Variants in SDK1 observed in about 807,000 individuals in gnomAD.
SDK1 encodes sidekick cell adhesion molecule 1.
SDK1 carries 157 observed loss-of-function variants against 245.5 expected under a neutral mutation model. The observed-to-expected ratio is 0.64, with a 90% CI of 0.56 to 0.73. The LOEUF is 0.73. Among genes scored for constraint, SDK1 ranks in the 30% least tolerant of loss-of-function variants. The pLI is 0.00. For synonymous variants in SDK1, 1,647 were observed against 1,278.5 expected (o/e 1.29, Z -6.15); for missense variants, 3,583 against 3,002.3 (o/e 1.19, Z -4.52).
chr7:3,893,829 C>G, intron 5 of SDK1, among the ~76,000 whole-genome samples: 1 of 152,050 alleles, frequency 6.6e-6, no homozygotes, highest in East Asian at 1.9e-4. Context: ...CCACCCTCAC[C>G]TTATCTGACC....
chr7:3,908,222 C>G (rs1203189398), intron 5 of SDK1, among the ~76,000 whole-genome samples: 1 of 152,186 alleles, frequency 6.6e-6, no homozygotes, highest in Non-Finnish European at 1.5e-5. Flanking sequence ...CGCCTTGTGT[C>G]CCGCTCACTT....
intron 20 of SDK1, among the ~76,000 whole-genome samples, chr7:4,074,675 A>G (rs1295917121): frequency 6.6e-6 from 1 of 151,792 alleles, no homozygotes; most frequent in Non-Finnish European, 1.5e-5. Context: ...AGCCTGGGCA[A>G]CACAGTGAGA....
chr7:4,246,592 C>T (rs1405645362), intron 44 of SDK1, among the ~76,000 whole-genome samples: 1 of 152,178 alleles, frequency 6.6e-6, no homozygotes, highest in Non-Finnish European at 1.5e-5. Context: ...CCCTGCCAGC[C>T]TCCCACCCTG....
chr7:3,904,910 G>T lies in SDK1; in HGVS notation c.848-46013G>T, dbSNP rs190542569. On this transcript the variant is annotated intron_variant, in intron 5 of 44. Coordinates refer to ENST00000404826, the MANE Select transcript of SDK1 (RefSeq NM_152744.4). Reference sequence around the variant, plus strand: ...CGGGAGACTGAGGCAGGAGAATGGCGTGAACCCGGGAGGTGGAGCTTTCAG... The same window carrying T: ...CGGGAGACTGAGGCAGGAGAATGGCTTGAACCCGGGAGGTGGAGCTTTCAG... 7.0e-3 allele frequency among the ~76,000 whole-genome samples: 1,067 copies of T among 151,588 alleles called. 17 individuals carry two copies. The highest frequency in any genetic ancestry group is 0.024 in the African/African-American group (989 of 41,324).
intron 5 of SDK1, among the ~76,000 whole-genome samples, chr7:3,899,808 T>C (rs532625756): frequency 9.2e-5 from 14 of 152,312 alleles, no homozygotes; most frequent in African/African-American, 3.1e-4. Context: ...CACTCCTCTA[T>C]AGGGGGCGTT....
intron 1 of SDK1, among the ~76,000 whole-genome samples, chr7:3,483,661 G>A (rs996821902): frequency 2.6e-5 from 4 of 152,042 alleles, no homozygotes; most frequent in South Asian, 2.1e-4. Flanking sequence ...ACCATTAAAT[G>A]TAATATTTTC....
At chr7:3,527,422 G>T (rs1393648879) in intron 1 of SDK1, among the ~76,000 whole-genome samples, 2 of 152,172 alleles carry the variant, frequency 1.3e-5, no homozygotes, top group Middle Eastern at 3.2e-3. Flanking sequence ...CTTTCAAGCA[G>T]AGACCTGATT....
chr7:3,416,790 A>G (rs546148685), intron 1 of SDK1, among the ~76,000 whole-genome samples: 12 of 152,232 alleles, frequency 7.9e-5, no homozygotes, highest in African/African-American at 2.4e-4. Context: ...AATAAAGCCC[A>G]TGTTCTGATC....
chr7:3,591,605 T>A (rs1780877385), intron 1 of SDK1, among the ~76,000 whole-genome samples: 1 of 152,242 alleles, frequency 6.6e-6, no homozygotes, highest in African/African-American at 2.4e-5. Context: ...CAGTGCCTTT[T>A]TAGTTTATAT....
intron 5 of SDK1, among the ~76,000 whole-genome samples, chr7:3,827,783 A>G (rs762951936): frequency 2.0e-5 from 3 of 152,118 alleles, no homozygotes; most frequent in South Asian, 2.1e-4. Context: ...TTTGGGGACA[A>G]CCATGGCCAG....
chr7:3,405,308 G>A (rs988248893), intron 1 of SDK1, among the ~76,000 whole-genome samples: 1 of 152,108 alleles, frequency 6.6e-6, no homozygotes. Context: ...AGTAACTGGG[G>A]GTAAAACTTA....
chr7:3,362,830 C>G lies in SDK1; in HGVS notation c.298+60946C>G, dbSNP rs1197807511. ...AGTTTTCCATGCGTGTGTGATTAGA[C>G]TTCTGAGAAAACCTTGGATAATTTT... On this transcript the variant is annotated intron_variant, in intron 1 of 44. Coordinates refer to ENST00000404826, the MANE Select transcript of SDK1 (RefSeq NM_152744.4). Among the ~76,000 whole-genome samples, 4 of 152,138 alleles carry G rather than the reference C, an allele frequency of 2.6e-5. No individual in the cohort carries two copies. The East Asian group carries it at 7.7e-4, about 29-fold the overall frequency.
rs1782291484 is a variant in SDK1, at chr7:3,631,643, C to CT, written c.459-7356dup. On this transcript the variant is annotated intron_variant, in intron 2 of 44. Transcript: ENST00000404826. Reference sequence around the variant, plus strand: ...TGTATTTCTGGCTTCAGTTTGACTGCTTTTTGGAACTCTGTATGGTCATAA... The same window carrying CT: ...TGTATTTCTGGCTTCAGTTTGACTGCTTTTTTGGAACTCTGTATGGTCATAA... Among the ~76,000 whole-genome samples, 4 of 152,172 alleles carry CT rather than the reference C, an allele frequency of 2.6e-5. No individual in the cohort carries two copies. In the South Asian group the frequency reaches 8.3e-4, roughly 32 times the overall value.
intron 14 of SDK1, among the ~76,000 whole-genome samples, chr7:3,990,208 A>G (rs894778): frequency 1 from 152,307 of 152,368 alleles, 76,124 homozygotes; most frequent in Middle Eastern, 1. Context: ...TCCGGGTCTT[A>G]GGCTTCTAAG....
In SDK1 at chr7:3,685,759, AC is replaced by A. The variant is rs926469749; in HGVS notation, c.713+43655del. ...TGATACCCATATAACCACTAAGAAA[AC>A]TATCCAAAATGAGATACAGAAAAAC... On this transcript the variant is annotated intron_variant, in intron 4 of 44. Coordinates refer to ENST00000404826, the MANE Select transcript of SDK1 (RefSeq NM_152744.4). Among the ~76,000 whole-genome samples, 134 of 152,288 alleles carry A rather than the reference AC, an allele frequency of 8.8e-4. 1 individual carries two copies. Among genetic ancestry groups the A allele is most frequent in the African/African-American group, 2.9e-3 (122 of 41,566 alleles).
intron 35 of SDK1, among the ~76,000 whole-genome samples, chr7:4,186,507 T>C (rs1562405528): frequency 6.6e-6 from 1 of 152,138 alleles, no homozygotes; most frequent in Non-Finnish European, 1.5e-5. Flanking sequence ...GGCCTCGTGG[T>C]TCCCTCGACC....
chr7:3,447,906 G>A (rs1171736882), intron 1 of SDK1, among the ~76,000 whole-genome samples: 1 of 151,752 alleles, frequency 6.6e-6, no homozygotes, highest in Non-Finnish European at 1.5e-5. Context: ...GTTTCTCCAT[G>A]TTAGTCAGGC....
intron 17 of SDK1, among the ~76,000 whole-genome samples, chr7:4,018,544 AC>A (rs1478627354): frequency 1.8e-4 from 28 of 152,374 alleles, no homozygotes; most frequent in Admixed American, 1.8e-3. Flanking sequence ...TGGACAGTTA[AC>A]ATTTGCTTTA....
intron 25 of SDK1, among the ~76,000 whole-genome samples, chr7:4,118,097 C>T (rs772635954): frequency 5.3e-5 from 8 of 151,960 alleles, no homozygotes; most frequent in Non-Finnish European, 1.2e-4. Flanking sequence ...TAGACCTCAT[C>T]AGAATGAAAA....
Sources: gnomAD v4.1 joint callset for allele counts (sites outside exome capture counted in the v4.1 genomes callset) on GRCh38, gnomAD v4.1.1 for gene constraint, MANE v1.5 for transcripts, NCBI Gene and HGNC (gene_info 2026-07-23, HGNC 2026-07-21) for gene names.